The following USP45 variants were observed in gnomAD, a reference collection of about 807,000 sequenced individuals.
The protein encoded by USP45 is ubiquitin carboxyl-terminal hydrolase 45.
Under a neutral mutation model 95.8 loss-of-function variants are expected in USP45, and 89 were observed. That is an observed-to-expected ratio of 0.93 (90% CI 0.78 to 1.11). USP45 has a LOEUF of 1.11. Among genes scored for constraint, USP45 ranks in the 50% least tolerant of loss-of-function variants. The pLI is 0.00. For missense variants in USP45, 898 were observed against 942.5 expected (o/e 0.95, Z 0.62); for synonymous variants, 281 against 316.2 (o/e 0.89, Z 1.18).
At chr6:99,454,304 A>G (rs999917598) in intron 13 of USP45, among the ~76,000 whole-genome samples, 1 of 152,340 alleles carries the variant, frequency 6.6e-6, no homozygotes, top group South Asian at 2.1e-4. Context: ...ATATACAAAA[A>G]TCAACTCAAG....
intron 7 of USP45, among the ~76,000 whole-genome samples, chr6:99,484,198 C>T (rs1183306707): frequency 1.3e-5 from 2 of 150,348 alleles, no homozygotes; most frequent in African/African-American, 4.9e-5. Flanking sequence ...TAGACGAAGT[C>T]TCACTCTGTC....
intron 9 of USP45, 41 bp downstream of exon 9, chr6:99,476,102 C>T (rs372776668): frequency 1.3e-5 from 20 of 1,581,642 alleles, no homozygotes; most frequent in Non-Finnish European, 1.7e-5. Context: ...TTTGTATCCT[C>T]TTCTTGAAGA....
Position 99,502,734 on chromosome 6 carries a change from C to T in USP45, c.478+1031G>A, listed in dbSNP as rs896399802. Among the ~76,000 whole-genome samples, 8 of 152,290 alleles carry T rather than the reference C, an allele frequency of 5.3e-5. No individual in the cohort carries two copies. In the East Asian group the frequency reaches 1.3e-3, roughly 26 times the overall value. Reference sequence around the variant, plus strand: ...CTGGATCATGGGAGTGGGCTTCTCACGAATGGTTTAGCTCCATCACTTTGG... The same window carrying T: ...CTGGATCATGGGAGTGGGCTTCTCATGAATGGTTTAGCTCCATCACTTTGG... On this transcript the variant is annotated intron_variant, in intron 5 of 17. Transcript: ENST00000500704.
chr6:99,510,102 G>C lies in USP45; in HGVS notation c.100+19C>G. On this transcript the variant is annotated intron_variant, in intron 2 of 17. Coordinates refer to ENST00000500704, the MANE Select transcript of USP45 (RefSeq NM_001346022.3). ...ATTTCTTCTCAACACTATTTGGGAT[G>C]CCATATATCACAATTTACCAGCAAT... The C allele has an allele frequency of 1.3e-6, 2 of 1,540,308 alleles. No homozygotes were observed. The highest frequency in any genetic ancestry group is 1.8e-6 in the Non-Finnish European group (2 of 1,113,588).
chr6:99,463,827 AAG>A (rs1787183236), intron 13 of USP45, among the ~76,000 whole-genome samples: 1 of 143,974 alleles, frequency 6.9e-6, no homozygotes, highest in African/African-American at 2.6e-5. Flanking sequence ...AAAAAAAAAA[AAG>A]AGGCACTGCA....
At chr6:99,479,206 T>A (rs1448107171) in intron 8 of USP45, among the ~76,000 whole-genome samples, 1 of 99,122 alleles carries the variant, frequency 1.0e-5, no homozygotes, top group African/African-American at 3.9e-5. Context: ...TGTATAGATA[T>A]GTCAAAACTT....
At chr6:99,461,046 A>T (rs1786325788) in intron 13 of USP45, 1 of 985,318 alleles carries the variant, frequency 1.0e-6, no homozygotes, top group Admixed American at 6.2e-5. Flanking sequence ...AAGTTCATGT[A>T]AATTGTACCA....
chr6:99,501,940 C>G, intron 5 of USP45: 4 of 1,300,480 alleles, frequency 3.1e-6, no homozygotes, highest in Non-Finnish European at 4.1e-6. Flanking sequence ...CAGTTTATAT[C>G]AACAAACTGA....
rs1209802944 is a variant in USP45 at position 99,432,931 on chromosome 6, CTG to C, written c.*2783_*2784del. Reference sequence around the variant, plus strand: ...AACTATTAAATACAGTAAAATAGCTCTGTTGGTACATTTAAAATAAGAGAACA... The same window carrying C: ...AACTATTAAATACAGTAAAATAGCTCTTGGTACATTTAAAATAAGAGAACA... On this transcript the variant is annotated 3_prime_UTR_variant, in exon 18 of 18. Coordinates refer to ENST00000500704, the MANE Select transcript of USP45 (RefSeq NM_001346022.3). 4 of 152,612 alleles carry C rather than the reference CTG, an allele frequency of 2.6e-5. No homozygotes were observed. Among genetic ancestry groups the C allele is most frequent in the African/African-American group, 9.6e-5 (4 of 41,454 alleles). 9.5% of individuals were successfully genotyped at this position (152,612 alleles called of 1,614,324 possible). A position where few individuals can be genotyped will look rare whatever the true frequency, so the allele number is the denominator to read the frequency against.
At chr6:99,487,633 C>CAAAAA (rs11335830) in intron 7 of USP45, among the ~76,000 whole-genome samples, 445 of 105,524 alleles carry the variant, frequency 4.2e-3, no homozygotes, top group African/African-American at 4.9e-3. Context: ...ACTAAAAATA[C>CAAAAA]AAAAAAAAAA....
chr6:99,503,921 A>G, intron 4 of USP45, 56 bp from the exon 5 acceptor site: 2 of 1,236,366 alleles, frequency 1.6e-6, no homozygotes, highest in Non-Finnish European at 2.2e-6. Flanking sequence ...ATAATTTTGC[A>G]CATCAGATAA....
intron 13 of USP45, among the ~76,000 whole-genome samples, chr6:99,451,213 G>C (rs1451288827): frequency 6.6e-6 from 1 of 152,134 alleles, no homozygotes; most frequent in East Asian, 1.9e-4. Flanking sequence ...TAAATAAAGG[G>C]TATTCAATTA....
Position 99,445,956 on chromosome 6 carries a change from T to C in USP45, c.1816A>G (p.Thr606Ala), listed in dbSNP as rs1174196678. Reference sequence around the variant, plus strand: ...GTAGTTATATAGCTCTGAGAAAGGGTCTGAAAAGCATTTTGGGGACTATAA... The same window carrying C: ...GTAGTTATATAGCTCTGAGAAAGGGCCTGAAAAGCATTTTGGGGACTATAA... The part of the protein sequence containing the change: ...RSYSPQNAFQ[T>A]LSQSYITTSK... The change falls in exon 14 of 18, where the codon ACC (threonine) becomes GCC (alanine). Residue 606 changes from threonine (T) to alanine (A), a missense_variant. Transcript: ENST00000500704. 1.2e-6 allele frequency: 2 copies of C among 1,614,030 alleles called. No homozygotes were observed. Among genetic ancestry groups the C allele is most frequent in the South Asian group, 1.1e-5 (1 of 91,074 alleles).
At position 99,489,696 on chromosome 6, in the gene USP45, T is replaced by C. The variant is rs188997981; in HGVS notation, c.479-876A>G. Among the ~76,000 whole-genome samples the C allele has an allele frequency of 1.3e-3, 199 of 152,254 alleles. 1 individual carries two copies. Among genetic ancestry groups the C allele is most frequent in the Non-Finnish European group, 3.5e-4 (24 of 68,002 alleles). ...CCACGGTGCCTCAGGCCTGTAATCC[T>C]AGCACTTTGGGAGGCTGAAGCAGGT... On this transcript the variant is annotated intron_variant, in intron 5 of 17. Coordinates refer to ENST00000500704, the MANE Select transcript of USP45 (RefSeq NM_001346022.3).
At chr6:99,514,922 T>C (rs1800801476) in intron 1 of USP45, 1 of 152,206 alleles carries the variant, frequency 6.6e-6, no homozygotes, top group African/African-American at 2.4e-5. Context: ...GTGAAGTGAC[T>C]TGCAGAGGTC....
intron 16 of USP45, among the ~76,000 whole-genome samples, chr6:99,439,369 G>A (rs1781090086): frequency 6.6e-6 from 1 of 152,156 alleles, no homozygotes; most frequent in Admixed American, 6.5e-5. Flanking sequence ...CACATGAAGT[G>A]GCACGAAAGA....
intron 8 of USP45, among the ~76,000 whole-genome samples, chr6:99,478,949 T>C (rs1791587500): frequency 1.3e-5 from 2 of 149,926 alleles, no homozygotes; most frequent in Non-Finnish European, 3.0e-5. Context: ...AAAAAAAGAG[T>C]ACACCCTGTA....
chr6:99,476,291 ACTCTT>A, intron 8 of USP45, 61 bp from the exon 9 acceptor site: 1 of 1,489,244 alleles, frequency 6.7e-7, no homozygotes, highest in South Asian at 1.1e-5. Flanking sequence ...GTTCATCAAC[ACTCTT>A]CTCTAAATGC....
intron 9 of USP45, among the ~76,000 whole-genome samples, chr6:99,473,787 C>CACACACACACACACACACACAT (rs1790092598): frequency 6.6e-6 from 1 of 151,150 alleles, no homozygotes; most frequent in Admixed American, 6.6e-5. Context: ...AACACACACA[C>CACACACACACACACACACACAT]ACACACACAC....
Sources: gnomAD v4.1 joint callset for allele counts (sites outside exome capture counted in the v4.1 genomes callset) on GRCh38, gnomAD v4.1.1 for gene constraint, MANE v1.5 for transcripts, NCBI Gene and HGNC (gene_info 2026-07-23, HGNC 2026-07-21) for gene names.